Variants in DLG2 observed in about 807,000 individuals in gnomAD.
The protein encoded by DLG2 is discs large MAGUK scaffold protein 2, also known as disks large homolog 2.
DLG2 carries 45 observed loss-of-function variants against 132.5 expected under a neutral mutation model. The observed-to-expected ratio is 0.34, with a 90% CI of 0.27 to 0.44. DLG2 has a LOEUF of 0.44. Ranked by LOEUF, DLG2 falls within the 20% of genes least tolerant of loss-of-function variation. The pLI is 1.00. For missense variants in DLG2, 1,045 were observed against 1,196.9 expected (o/e 0.87, Z 1.87); for synonymous variants, 424 against 419.6 (o/e 1.01, Z -0.13).
intron 8 of DLG2, among the ~76,000 whole-genome samples, chr11:84,238,432 A>T (rs1012669144): frequency 6.6e-6 from 1 of 151,734 alleles, no homozygotes; most frequent in Non-Finnish European, 1.5e-5. Context: ...AGATGAAAGG[A>T]TTGTTTGAGC....
chr11:83,810,490 G>C (rs578131744), intron 17 of DLG2, among the ~76,000 whole-genome samples: 1 of 152,146 alleles, frequency 6.6e-6, no homozygotes, highest in East Asian at 1.9e-4. Flanking sequence ...ATATTTTCAA[G>C]AAGGCTTGGT....
At chr11:84,976,801 C>T (rs2154117467) in intron 6 of DLG2, among the ~76,000 whole-genome samples, 1 of 152,254 alleles carries the variant, frequency 6.6e-6, no homozygotes, top group South Asian at 2.1e-4. Flanking sequence ...AATTCTACTA[C>T]TAACAGCAAT....
chr11:84,332,853 T>C (rs2098467168), intron 7 of DLG2, among the ~76,000 whole-genome samples: 1 of 152,178 alleles, frequency 6.6e-6, no homozygotes, highest in Admixed American at 6.5e-5. Context: ...TCCACTGGTA[T>C]GGTTACTGTG....
At chr11:85,483,331 A>T (rs965143341) in intron 3 of DLG2, among the ~76,000 whole-genome samples, 2 of 152,336 alleles carry the variant, frequency 1.3e-5, no homozygotes, top group African/African-American at 4.8e-5. Context: ...AAGTGTAAAA[A>T]ATTTTTTTTA....
At chr11:85,544,689 C>T (rs1210424642) in intron 3 of DLG2, among the ~76,000 whole-genome samples, 1 of 152,172 alleles carries the variant, frequency 6.6e-6, no homozygotes, top group African/African-American at 2.4e-5. Flanking sequence ...TTGTAGTTCT[C>T]CTTGAAGAGA....
intron 8 of DLG2, among the ~76,000 whole-genome samples, chr11:84,192,197 A>G (rs74448633): frequency 0.038 from 5,824 of 152,188 alleles, 165 homozygotes; most frequent in Non-Finnish European, 0.059. Flanking sequence ...TAAGGAGAAA[A>G]TACTTTTAGT....
intron 9 of DLG2, among the ~76,000 whole-genome samples, chr11:84,127,279 C>A (rs1025819243): frequency 6.6e-6 from 1 of 152,152 alleles, no homozygotes; most frequent in South Asian, 2.1e-4. Context: ...GGATTGAACT[C>A]TCAGCATACC....
At chr11:84,755,362 T>A (rs773533690) in intron 6 of DLG2, among the ~76,000 whole-genome samples, 1 of 152,246 alleles carries the variant, frequency 6.6e-6, no homozygotes, top group Non-Finnish European at 1.5e-5. Flanking sequence ...TGCTGATTTC[T>A]GGGCTGGGCC....
intron 7 of DLG2, among the ~76,000 whole-genome samples, chr11:84,326,513 C>T (rs78734699): frequency 0.08 from 12,203 of 152,102 alleles, 664 homozygotes; most frequent in South Asian, 0.12. Context: ...TGTTTAATTT[C>T]CTCATGTGTA....
At chr11:84,838,645 TGCAGAATTGTTTATAAAA>T (rs1464458028) in intron 6 of DLG2, among the ~76,000 whole-genome samples, 2 of 151,926 alleles carry the variant, frequency 1.3e-5, no homozygotes, top group Non-Finnish European at 2.9e-5. Flanking sequence ...GAATGTTCAC[TGCAGAATTGTTTATAAAA>T]GTATAAAATC....
chr11:84,554,912 G>A (rs2099409035), intron 6 of DLG2, among the ~76,000 whole-genome samples: 1 of 152,172 alleles, frequency 6.6e-6, no homozygotes, highest in Non-Finnish European at 1.5e-5. Flanking sequence ...GAAGAGGTGG[G>A]TAAGCTGCCT....
At chr11:84,551,224 C>T (rs1329384423) in intron 6 of DLG2, among the ~76,000 whole-genome samples, 1 of 152,106 alleles carries the variant, frequency 6.6e-6, no homozygotes, top group Admixed American at 6.5e-5. Flanking sequence ...CTTTATAATC[C>T]ATGCTTGCTT....
intron 6 of DLG2, among the ~76,000 whole-genome samples, chr11:84,651,504 A>C (rs939504261): frequency 6.6e-6 from 1 of 152,180 alleles, no homozygotes; most frequent in Non-Finnish European, 1.5e-5. Flanking sequence ...ACAAATAAAA[A>C]TAGAAGCTTT....
chr11:83,494,593 G>C (rs1235821899), intron 21 of DLG2, among the ~76,000 whole-genome samples: 3 of 149,882 alleles, frequency 2.0e-5, no homozygotes, highest in Non-Finnish European at 4.4e-5. Context: ...AATTTGTATG[G>C]ATTTTTTAGT....
At chr11:83,912,696 G>A (rs912134245) in intron 15 of DLG2, among the ~76,000 whole-genome samples, 2 of 152,086 alleles carry the variant, frequency 1.3e-5, no homozygotes, top group African/African-American at 2.4e-5. Context: ...TCCTCCCAAG[G>A]AAGGACAATG....
At chr11:84,365,837 T>G (rs2098679040) in intron 7 of DLG2, among the ~76,000 whole-genome samples, 5 of 152,118 alleles carry the variant, frequency 3.3e-5, no homozygotes, top group Admixed American at 2.6e-4. Context: ...CTATGTCTGA[T>G]TGGTGTACTT....
chr11:85,431,069 G>A (rs2091150361), intron 3 of DLG2, among the ~76,000 whole-genome samples: 1 of 152,100 alleles, frequency 6.6e-6, no homozygotes, highest in African/African-American at 2.4e-5. Flanking sequence ...CATCAAACAT[G>A]TATAGAATGC....
At chr11:83,601,343 TCCTGTGATGTATGTAGCTAC>T (rs2058505389) in intron 19 of DLG2, among the ~76,000 whole-genome samples, 1 of 152,064 alleles carries the variant, frequency 6.6e-6, no homozygotes, top group Admixed American at 6.6e-5. Context: ...TATGTAGAAT[TCCTGTGATGTATGTAGCTAC>T]CCTGTGATGT....
rs565659973 is a variant in DLG2 at position 84,981,402 on chromosome 11, A to G, written c.357+130259T>C. Among the ~76,000 whole-genome samples the G allele has an allele frequency of 2.8e-3, 433 of 152,288 alleles. 2 individuals are homozygous for G. Among genetic ancestry groups the G allele is most frequent in the Non-Finnish European group, 4.1e-3 (277 of 68,036 alleles). On this transcript the variant is annotated intron_variant, in intron 6 of 27. Coordinates refer to ENST00000376104, the MANE Select transcript of DLG2 (RefSeq NM_001142699.3). ...AATCCAAATAATACTGAGGGGCTATAGGAAGCAGTGTTGAGTAACTCTAAG... is the reference window on the plus strand; with the variant it reads ...AATCCAAATAATACTGAGGGGCTATGGGAAGCAGTGTTGAGTAACTCTAAG...
Sources: allele counts gnomAD v4.1 joint callset (sites outside exome capture counted in the v4.1 genomes callset), GRCh38; gene constraint gnomAD v4.1.1; transcripts MANE v1.5; gene names NCBI Gene and HGNC (gene_info 2026-07-23, HGNC 2026-07-21).